The following LOXL4 variants were observed in gnomAD, a reference collection of about 807,000 sequenced individuals.
LOXL4 encodes lysyl oxidase like 4, also known as lysyl oxidase homolog 4.
LOXL4 carries 72 observed loss-of-function variants against 89.1 expected under a neutral mutation model. The ratio of observed to expected loss-of-function variants is 0.81; its 90% CI spans 0.67 to 0.98. LOXL4 has a LOEUF of 0.98. Ranked by LOEUF, LOXL4 falls within the 50% of genes least tolerant of loss-of-function variation. The pLI is 0.00. For missense variants in LOXL4, 984 were observed against 1,017.5 expected, an observed-to-expected ratio of 0.97 and a Z score of 0.45; for synonymous variants, 355 against 392.1, an observed-to-expected ratio of 0.91 and a Z score of 1.12.
At chr10:98,260,098 G>T (rs1031037413) in intron 4 of LOXL4, among the ~76,000 whole-genome samples, 2 of 152,220 alleles carry the variant, frequency 1.3e-5, no homozygotes, top group African/African-American at 4.8e-5. Flanking sequence ...GGATCTGGCA[G>T]AACCATGACT....
intron 11 of LOXL4, 122 bp from the exon 12 acceptor site, chr10:98,252,590 T>C: frequency 4.6e-6 from 3 of 653,324 alleles, no homozygotes; most frequent in South Asian, 3.6e-5. Flanking sequence ...TAGTAGGCAG[T>C]GCCCTTCTCC....
At chr10:98,257,870 C>T in intron 7 of LOXL4, 66 bp from the exon 8 acceptor site, 3 of 1,581,108 alleles carry the variant, frequency 1.9e-6, no homozygotes, top group Non-Finnish European at 2.6e-6. Flanking sequence ...GTGGCTTCCC[C>T]TTCACAGAGG....
Position 98,257,987 on chromosome 10 carries a change from C to G in LOXL4, c.1099G>C (p.Gly367Arg). The change falls in exon 7 of 15, where the codon GGC becomes CGC. Residue 367 changes from glycine to arginine, a missense_variant. Coordinates refer to ENST00000260702, the MANE Select transcript of LOXL4 (RefSeq NM_032211.7). ...AREALFGARL[G>R]QGLGPIHLSE... Reference sequence around the variant, plus strand: ...CCCAGGCTGTCTCACTCACCTTGGCCCAGCCGGGCCCCAAAGAGGGCCTCC... The same window carrying G: ...CCCAGGCTGTCTCACTCACCTTGGCGCAGCCGGGCCCCAAAGAGGGCCTCC... 1 of 1,613,730 alleles carries G rather than the reference C, an allele frequency of 6.2e-7. No homozygotes were observed. The highest frequency in any genetic ancestry group is 8.5e-7 in the Non-Finnish European group (1 of 1,179,920).
In LOXL4 at chr10:98,262,957, GGGAGGGGGCT is replaced by G. The variant is rs1472391875; in HGVS notation, c.53_62del (p.Gln18ProfsTer60). 6.2e-7 allele frequency: 1 copy of G among 1,613,664 alleles called. No individual in the cohort carries two copies. Among genetic ancestry groups the G allele is most frequent in the African/African-American group, 1.3e-5 (1 of 74,928 alleles). ...TGGTGCCCAGTGACTGTGGCCTGCT[GGGAGGGGGCT>G]GGCCTAGCAGCAGCAGGAACAGAAA... On this transcript the variant is annotated frameshift_variant, in exon 2 of 15. Coordinates refer to ENST00000260702, the MANE Select transcript of LOXL4 (RefSeq NM_032211.7). LOFTEE classifies it high-confidence loss of function.
At chr10:98,262,364 A>C in intron 2 of LOXL4, 151 bp from the exon 3 acceptor site, 1 of 769,166 alleles carries the variant, frequency 1.3e-6, no homozygotes, top group Non-Finnish European at 2.1e-6. Context: ...CTGGGGAATA[A>C]GTATTTATAA....
intron 1 of LOXL4, among the ~76,000 whole-genome samples, chr10:98,265,367 T>C (rs925166411): frequency 8.4e-6 from 1 of 119,382 alleles, no homozygotes; most frequent in Admixed American, 9.3e-5. Flanking sequence ...TCAGTAACAA[T>C]GAACTATTAT....
rs564573145 is a variant in LOXL4, at chr10:98,251,945, C to T, written c.1952-243G>A. The T allele has an allele frequency of 1.4e-4, 75 of 546,992 alleles. 1 individual carries two copies. Among genetic ancestry groups the T allele is most frequent in the South Asian group, 1.0e-3 (43 of 41,812 alleles). The allele number at this position is 546,992 out of a possible 1,614,324, so 33.9% of individuals were successfully genotyped here. A position where few individuals can be genotyped will look rare whatever the true frequency, so the allele number is the denominator to read the frequency against. On this transcript the variant is annotated intron_variant, in intron 12 of 14. Coordinates refer to ENST00000260702, the MANE Select transcript of LOXL4 (RefSeq NM_032211.7). ...TGTGGTTGGGAGATTCCAACGCTCC[C>T]GTGCTAATTTACTTGTGCATCCGCC...
chr10:98,260,861 A>C, intron 4 of LOXL4, 61 bp downstream of exon 4: 4 of 1,516,084 alleles, frequency 2.6e-6, no homozygotes, highest in Non-Finnish European at 3.6e-6. Flanking sequence ...ACATGAACAC[A>C]CACTCAGTCC....
chr10:98,260,071 C>A lies in LOXL4; in HGVS notation c.663-642G>T, dbSNP rs191894419. Among the ~76,000 whole-genome samples, 18 of 152,348 alleles carry A rather than the reference C, an allele frequency of 1.2e-4. No homozygotes were observed. In the East Asian group the frequency reaches 2.7e-3, roughly 23 times the overall value. ...GACTTCTCACTTGATGGGAAACACACAAGTCCTCCCTGACACGGATCTGGC... is the reference window on the plus strand; with the variant it reads ...GACTTCTCACTTGATGGGAAACACAAAAGTCCTCCCTGACACGGATCTGGC... On this transcript the variant is annotated intron_variant, in intron 4 of 14. Coordinates refer to ENST00000260702, the MANE Select transcript of LOXL4 (RefSeq NM_032211.7).
In LOXL4 at chr10:98,259,106, G is replaced by T; in HGVS notation, c.824C>A (p.Ala275Asp). Residue 275 changes from alanine (A) to aspartate (D), a missense_variant, in exon 6 of 15, where the codon GCC becomes GAC. Coordinates refer to ENST00000260702, the MANE Select transcript of LOXL4 (RefSeq NM_032211.7). The part of the protein sequence containing the change: ...VAPARGKLRP[A>D]CPGGMHAVVS... Reference sequence around the variant, plus strand: ...CACAGCGTGCATGCCACCTGGGCAGGCTGGCCGCAGCTTGCCCCGGGCTGG... The same window carrying T: ...CACAGCGTGCATGCCACCTGGGCAGTCTGGCCGCAGCTTGCCCCGGGCTGG... The T allele has an allele frequency of 6.2e-7, 1 of 1,604,732 alleles. No homozygotes were observed. The highest frequency in any genetic ancestry group is 2.2e-5 in the East Asian group (1 of 44,650).
At chr10:98,251,475 T>C (rs1655138077) in intron 13 of LOXL4, 91 bp downstream of exon 13, 1 of 1,544,804 alleles carries the variant, frequency 6.5e-7, no homozygotes, top group Non-Finnish European at 8.8e-7. Flanking sequence ...AAACCCTGTA[T>C]GGGAAATTCT....
At chr10:98,266,516 C>G (rs1305494516) in intron 1 of LOXL4, among the ~76,000 whole-genome samples, 1 of 152,128 alleles carries the variant, frequency 6.6e-6, no homozygotes, top group Non-Finnish European at 1.5e-5. Context: ...AAGGGACCAA[C>G]CTGAGGGCAT....
chr10:98,263,180 GCACA>G (rs879108182), intron 1 of LOXL4, 129 bp from the exon 2 acceptor site: 6 of 584,454 alleles, frequency 1.0e-5, no homozygotes, highest in African/African-American at 7.6e-5. Flanking sequence ...GTGTGCACGC[GCACA>G]CACACACACA....
At chr10:98,267,612 A>G (rs1161796580) in intron 1 of LOXL4, among the ~76,000 whole-genome samples, 1 of 152,044 alleles carries the variant, frequency 6.6e-6, no homozygotes. Context: ...AGTGCCAACA[A>G]ATGGTCTCTG....
At chr10:98,262,277 C>T (rs1716885075) in intron 2 of LOXL4, 64 bp from the exon 3 acceptor site, 1 of 1,547,130 alleles carries the variant, frequency 6.5e-7, no homozygotes, top group Non-Finnish European at 8.8e-7. Context: ...CTGCCTCCTG[C>T]ATAGGACCCC....
Position 98,253,672 on chromosome 10 carries a change from C to T in LOXL4, c.1716G>A (p.Met572Ile), listed in dbSNP as rs1858272345. The T allele has an allele frequency of 6.2e-7, 1 of 1,614,142 alleles. No homozygotes were observed. Among genetic ancestry groups the T allele is most frequent in the South Asian group, 1.1e-5 (1 of 91,094 alleles). The change falls in exon 11 of 15, where the codon ATG becomes ATA. Residue 572 changes from methionine to isoleucine, a missense_variant. By Grantham distance (10) the Met-to-Ile change is conservative (BLOSUM62 1). Coordinates refer to ENST00000260702, the MANE Select transcript of LOXL4 (RefSeq NM_032211.7). The stretch of plus-strand genomic sequence containing the variant: ...GGCGGCGGTATCCGTAGGGCCAGTC[C>T]ATGTGATCCGCAGACTTGGAGAGGC... The part of the protein sequence containing the change: ...ENCLSKSADH[M>I]DWPYGYRRLL...
At chr10:98,255,167 T>C (rs572010710) in intron 10 of LOXL4, among the ~76,000 whole-genome samples, 12 of 152,198 alleles carry the variant, frequency 7.9e-5, no homozygotes, top group Admixed American at 3.3e-4. Flanking sequence ...TATTTGTATG[T>C]CCTCTACGAC....
intron 6 of LOXL4, among the ~76,000 whole-genome samples, chr10:98,258,535 CAG>C (rs1317342200): frequency 6.6e-6 from 1 of 151,964 alleles, no homozygotes; most frequent in Non-Finnish European, 1.5e-5. Context: ...GAGGCCATCT[CAG>C]TGTGGCACTA....
intron 14 of LOXL4, 29 bp from the exon 15 acceptor site, chr10:98,249,020 G>C: frequency 6.3e-7 from 1 of 1,586,706 alleles, no homozygotes; most frequent in Non-Finnish European, 8.6e-7. Context: ...CAGGTAAGTA[G>C]CCAACCTTTC....
Sources: allele counts gnomAD v4.1 joint callset (sites outside exome capture counted in the v4.1 genomes callset), GRCh38; gene constraint gnomAD v4.1.1; transcripts MANE v1.5; gene names NCBI Gene and HGNC (gene_info 2026-07-23, HGNC 2026-07-21).